DCC: variants seen among roughly 807,000 people sequenced by gnomAD.
The protein encoded by DCC is netrin receptor DCC.
Under a neutral mutation model 172.5 loss-of-function variants are expected in DCC, and 58 were observed. The ratio of observed to expected loss-of-function variants is 0.34; its 90% CI spans 0.27 to 0.42. The LOEUF is 0.42. Ranked by LOEUF, DCC falls within the 10% of genes least tolerant of loss-of-function variation. DCC has a pLI of 1.00. For synonymous variants in DCC, 709 were observed against 644.5 expected, an observed-to-expected ratio of 1.10 and a Z score of -1.52; for missense variants, 1,740 against 1,791.0, an observed-to-expected ratio of 0.97 and a Z score of 0.51.
At chr18:52,869,884 CG>C (rs2039290070) in intron 2 of DCC, among the ~76,000 whole-genome samples, 1 of 152,182 alleles carries the variant, frequency 6.6e-6, no homozygotes, top group South Asian at 2.1e-4. Flanking sequence ...GGGGTAAAGG[CG>C]GCCTTCTCAG....
chr18:53,419,728 A>G (rs1016774886), intron 21 of DCC, among the ~76,000 whole-genome samples: 1 of 152,202 alleles, frequency 6.6e-6, no homozygotes, highest in African/African-American at 2.4e-5. Flanking sequence ...TTAGCAAGGA[A>G]GAAAGTGAAG....
intron 12 of DCC, among the ~76,000 whole-genome samples, chr18:53,288,816 T>C (rs971843112): frequency 3.9e-5 from 6 of 152,158 alleles, no homozygotes; most frequent in Admixed American, 1.3e-4. Context: ...ATCTGAACTT[T>C]AGTGGAGAAT....
chr18:53,502,398 A>C (rs2046112628), intron 27 of DCC, among the ~76,000 whole-genome samples: 1 of 152,166 alleles, frequency 6.6e-6, no homozygotes, highest in Non-Finnish European at 1.5e-5. Flanking sequence ...ATTGCTCCTG[A>C]CACATGGTAA....
At position 53,529,003 on chromosome 18, in the gene DCC, T is replaced by TTCTCTC. The variant is rs144580817; in HGVS notation, c.4255-1530_4255-1525dup. Reference sequence around the variant, plus strand: ...TGCCTAGTAATCCCCTCACTTCAACTTCTCTCTCTCTCTCTCTCTCTCTCT... The same window carrying TTCTCTC: ...TGCCTAGTAATCCCCTCACTTCAACTTCTCTCTCTCTCTCTCTCTCTCTCTCTCTCT... On this transcript the variant is annotated intron_variant, in intron 28 of 28. Transcript: ENST00000442544. 6.6e-3 allele frequency among the ~76,000 whole-genome samples: 667 copies of TTCTCTC among 100,902 alleles called. 2 individuals carry two copies. Among genetic ancestry groups the TTCTCTC allele is most frequent in the Non-Finnish European group, 0.011 (496 of 44,656 alleles). 66.2% of individuals were successfully genotyped at this position (100,902 alleles called of 152,430 possible).
At chr18:53,516,350 G>T (rs1284920877) in intron 27 of DCC, among the ~76,000 whole-genome samples, 1 of 147,038 alleles carries the variant, frequency 6.8e-6, no homozygotes, top group African/African-American at 2.7e-5. Flanking sequence ...AAAAACCCTA[G>T]AAGAAAACCT....
At chr18:52,646,838 G>A (rs536170195) in intron 1 of DCC, among the ~76,000 whole-genome samples, 27 of 152,190 alleles carry the variant, frequency 1.8e-4, no homozygotes, top group African/African-American at 5.8e-4. Flanking sequence ...GCTTAATCTC[G>A]AGCTCCCTCT....
At chr18:53,001,739 G>A (rs934995601) in intron 5 of DCC, among the ~76,000 whole-genome samples, 2 of 151,876 alleles carry the variant, frequency 1.3e-5, no homozygotes, top group Non-Finnish European at 2.9e-5. Flanking sequence ...GATGAGATAT[G>A]GGAAAAGTCC....
chr18:52,404,117 G>A (rs766153140), intron 1 of DCC, among the ~76,000 whole-genome samples: 5 of 151,994 alleles, frequency 3.3e-5, no homozygotes, highest in East Asian at 1.9e-4. Flanking sequence ...TAAAGACAGC[G>A]GTACAATGAT....
chr18:53,271,129 G>A (rs1201493777), intron 12 of DCC, among the ~76,000 whole-genome samples: 1 of 152,162 alleles, frequency 6.6e-6, no homozygotes, highest in African/African-American at 2.4e-5. Flanking sequence ...CCACATATCA[G>A]CCTATATAAT....
chr18:53,509,107 T>TAA (rs1316275896), intron 27 of DCC, among the ~76,000 whole-genome samples: 1 of 152,228 alleles, frequency 6.6e-6, no homozygotes, highest in Non-Finnish European at 1.5e-5. Flanking sequence ...ATCCCAGCTC[T>TAA]AACTTCCAGT....
intron 1 of DCC, among the ~76,000 whole-genome samples, chr18:52,650,048 G>A (rs866197013): frequency 1.4e-5 from 2 of 143,592 alleles, no homozygotes; most frequent in Non-Finnish European, 3.0e-5. Flanking sequence ...GCACGATCTC[G>A]GCTCACCGCA....
At chr18:52,806,089 C>T (rs1192473142) in intron 2 of DCC, among the ~76,000 whole-genome samples, 1 of 152,150 alleles carries the variant, frequency 6.6e-6, no homozygotes, top group African/African-American at 2.4e-5. Flanking sequence ...GAAATTTCCT[C>T]CATTAGATAA....
chr18:53,048,990 C>T (rs1568269730), intron 5 of DCC, among the ~76,000 whole-genome samples: 1 of 151,898 alleles, frequency 6.6e-6, no homozygotes, highest in Non-Finnish European at 1.5e-5. Flanking sequence ...TTCTTTTGAA[C>T]AGTGTCTTTT....
intron 12 of DCC, among the ~76,000 whole-genome samples, chr18:53,221,459 G>C (rs1235302118): frequency 6.6e-6 from 1 of 152,148 alleles, no homozygotes; most frequent in Non-Finnish European, 1.5e-5. Context: ...TAGATGAAAA[G>C]TGAACGTTCT....
intron 7 of DCC, among the ~76,000 whole-genome samples, chr18:53,077,689 A>G (rs910283385): frequency 6.6e-6 from 1 of 152,158 alleles, no homozygotes; most frequent in Non-Finnish European, 1.5e-5. Context: ...GTCCAAGGTC[A>G]CACAGCTAGC....
At chr18:52,377,914 G>A (rs778501669) in intron 1 of DCC, among the ~76,000 whole-genome samples, 1 of 151,916 alleles carries the variant, frequency 6.6e-6, no homozygotes, top group Non-Finnish European at 1.5e-5. Context: ...TGGCCAGGCT[G>A]GTCTCACACT....
chr18:52,409,833 T>C lies in DCC; in HGVS notation c.91+68955T>C, dbSNP rs191353619. Among the ~76,000 whole-genome samples the C allele has an allele frequency of 3.0e-4, 46 of 152,260 alleles. 1 individual carries two copies. In the East Asian group the frequency reaches 5.8e-3, roughly 19 times the overall value. On this transcript the variant is annotated intron_variant, in intron 1 of 28. Coordinates refer to ENST00000442544, the MANE Select transcript of DCC (RefSeq NM_005215.4). Reference sequence around the variant, plus strand: ...TGTCAGGTAGGAAGGGCAAGTATCATTATCCTTATTTTGCAGTTGGAGAAA... The same window carrying C: ...TGTCAGGTAGGAAGGGCAAGTATCACTATCCTTATTTTGCAGTTGGAGAAA...
Position 53,375,616 on chromosome 18 carries a change from CT to C in DCC, c.2360-10408del, listed in dbSNP as rs1555660824. On this transcript the variant is annotated intron_variant, in intron 15 of 28. Transcript: ENST00000442544. ...CAATGTTACCACCTTATATTTAATTCTTTTTTTTTTTTTTTTTTTGAGAAAT... is the reference window on the plus strand; with the variant it reads ...CAATGTTACCACCTTATATTTAATTCTTTTTTTTTTTTTTTTTTGAGAAAT... Among the ~76,000 whole-genome samples the C allele has an allele frequency of 6.6e-3, 810 of 123,030 alleles. 2 individuals carry two copies. The highest frequency in any genetic ancestry group is 8.8e-3 in the Non-Finnish European group (538 of 61,200). 80.7% of individuals were successfully genotyped at this position (123,030 alleles called of 152,430 possible). A position where few individuals can be genotyped will look rare whatever the true frequency, so the allele number is the denominator to read the frequency against.
intron 7 of DCC, among the ~76,000 whole-genome samples, chr18:53,146,167 G>A (rs1355178143): frequency 6.6e-6 from 1 of 152,016 alleles, no homozygotes; most frequent in African/African-American, 2.4e-5. Context: ...GTTGCAGTGA[G>A]CCAAGATCAT....
Sources: gnomAD v4.1 joint callset for allele counts (sites outside exome capture counted in the v4.1 genomes callset) on GRCh38, gnomAD v4.1.1 for gene constraint, MANE v1.5 for transcripts, NCBI Gene and HGNC (gene_info 2026-07-23, HGNC 2026-07-21) for gene names.